The following CDR2 variants were observed in gnomAD, a reference collection of about 807,000 sequenced individuals.
CDR2 encodes the protein cerebellar degeneration related protein 2, also known as cerebellar degeneration-related protein 2.
CDR2 carries 34 observed loss-of-function variants against 48.4 expected under a neutral mutation model. That is an observed-to-expected ratio of 0.70 (90% confidence interval 0.53 to 0.94). The LOEUF is 0.94. Ranked by LOEUF, CDR2 falls within the 40% of genes least tolerant of loss-of-function variation. The probability of loss-of-function intolerance (pLI) is 0.00; values close to 1 mark genes in which losing one functional copy is unlikely to be tolerated. For synonymous variants in CDR2, 240 were observed against 219.7 expected, an observed-to-expected ratio of 1.09 and a Z score of -0.82; for missense variants, 498 against 549.5, an observed-to-expected ratio of 0.91 and a Z score of 0.94.
At chr16:22,369,272 C>T (rs1258239457) in intron 1 of CDR2, among the ~76,000 whole-genome samples, 1 of 146,666 alleles carries the variant, frequency 6.8e-6, no homozygotes, top group Non-Finnish European at 1.5e-5. Context: ...ATAGCAAGAC[C>T]TTGTCTCTTA....
intron 2 of CDR2, among the ~76,000 whole-genome samples, chr16:22,356,800 G>T (rs74403525): frequency 1.3e-5 from 2 of 151,422 alleles, no homozygotes; most frequent in Non-Finnish European, 2.9e-5. Flanking sequence ...TCCAGGCAAG[G>T]TAGTGTATGC....
At chr16:22,369,296 AAAAAAGAAAAAAAAC>A (rs914341384) in intron 1 of CDR2, among the ~76,000 whole-genome samples, 2 of 146,020 alleles carry the variant, frequency 1.4e-5, no homozygotes, top group African/African-American at 5.5e-5. Context: ...GGAAAAAAAA[AAAAAAGAAAAAAAAC>A]AAAACCCAAC....
chr16:22,363,714 A>G (rs2049026298), intron 2 of CDR2, among the ~76,000 whole-genome samples: 1 of 152,234 alleles, frequency 6.6e-6, no homozygotes, highest in Non-Finnish European at 1.5e-5. Context: ...TTATAATTTA[A>G]GTACAGACCC....
At chr16:22,366,152 C>T (rs1567349309) in intron 1 of CDR2, among the ~76,000 whole-genome samples, 2 of 152,188 alleles carry the variant, frequency 1.3e-5, no homozygotes, top group Non-Finnish European at 2.9e-5. Flanking sequence ...AAAATGAAGT[C>T]CTGCTTTGCT....
chr16:22,366,734 T>G (rs2049047094), intron 1 of CDR2, among the ~76,000 whole-genome samples: 1 of 152,030 alleles, frequency 6.6e-6, no homozygotes, highest in South Asian at 2.1e-4. Flanking sequence ...TGGCCTTTAC[T>G]CCAAATGAAG....
At chr16:22,366,521 A>G (rs1203843999) in intron 1 of CDR2, among the ~76,000 whole-genome samples, 1 of 152,164 alleles carries the variant, frequency 6.6e-6, no homozygotes, top group African/African-American at 2.4e-5. Context: ...TAAGTGACCC[A>G]TGTGTATCCA....
intron 2 of CDR2, among the ~76,000 whole-genome samples, chr16:22,360,739 CTTTTTTTTTTTTTTTTT>C (rs201976962): frequency 5.4e-5 from 4 of 74,128 alleles, no homozygotes; most frequent in Admixed American, 1.5e-4. Flanking sequence ...AAAAAATGAT[CTTTTTTTTTTTTTTTTT>C]TTTTTTTTTT....
chr16:22,364,571 G>A (rs966867225), intron 2 of CDR2, among the ~76,000 whole-genome samples: 12 of 151,988 alleles, frequency 7.9e-5, no homozygotes, highest in Non-Finnish European at 4.4e-5. Flanking sequence ...CTTAAATATT[G>A]CATGTTTTAG....
rs2048997201 is a variant in CDR2, at chr16:22,359,419, C to A, written c.192+5483G>T. On this transcript the variant is annotated intron_variant, in intron 2 of 4. Coordinates refer to ENST00000268383, the MANE Select transcript of CDR2 (RefSeq NM_001802.2). Reference sequence around the variant, plus strand: ...GGATTACAGGAGTGAGCCACCGCCACCGGCTCACTACTAAAATTCTTAAAA... The same window carrying A: ...GGATTACAGGAGTGAGCCACCGCCAACGGCTCACTACTAAAATTCTTAAAA... Among the ~76,000 whole-genome samples, 6 of 152,292 alleles carry A rather than the reference C, an allele frequency of 3.9e-5. No homozygotes were observed. In the South Asian group the frequency reaches 1.2e-3, roughly 32 times the overall value.
intron 1 of CDR2, among the ~76,000 whole-genome samples, chr16:22,373,965 G>C (rs1190439740): frequency 6.6e-6 from 1 of 152,230 alleles, no homozygotes; most frequent in East Asian, 1.9e-4. Context: ...TCCACGGAAA[G>C]CGCTTAAAAC....
chr16:22,366,006 T>C (rs192811977), intron 1 of CDR2, among the ~76,000 whole-genome samples: 10 of 152,270 alleles, frequency 6.6e-5, no homozygotes, highest in Admixed American at 5.2e-4. Context: ...GAAAATCAAA[T>C]GAAATAATAC....
At chr16:22,371,175 C>T (rs2141855566) in intron 1 of CDR2, among the ~76,000 whole-genome samples, 1 of 151,494 alleles carries the variant, frequency 6.6e-6, no homozygotes, top group South Asian at 2.1e-4. Context: ...CGTGCCACTG[C>T]ACTCCAGCCT....
intron 1 of CDR2, among the ~76,000 whole-genome samples, chr16:22,372,343 A>C (rs2049084133): frequency 6.6e-6 from 1 of 152,140 alleles, no homozygotes; most frequent in South Asian, 2.1e-4. Flanking sequence ...GCGTGGACTA[A>C]GGCACCTGAT....
intron 2 of CDR2, among the ~76,000 whole-genome samples, chr16:22,352,724 G>C (rs914655534): frequency 6.6e-6 from 1 of 152,098 alleles, no homozygotes; most frequent in Non-Finnish European, 1.5e-5. Flanking sequence ...TTTTGAGTTC[G>C]GAATTAGTAA....
chr16:22,361,849 A>G (rs896347668), intron 2 of CDR2, among the ~76,000 whole-genome samples: 14 of 152,082 alleles, frequency 9.2e-5, no homozygotes, highest in African/African-American at 3.4e-4. Flanking sequence ...TGTTTCCCGA[A>G]ATATTCCAAG....
rs904981500 is a variant in CDR2 at position 22,347,075 on chromosome 16, G to C, written c.1255C>G (p.Pro419Ala). Residue 419 changes from proline (P) to alanine (A), a missense_variant, in exon 5 of 5, where the codon CCT (proline) becomes GCT (alanine). Pro to Ala is a conservative substitution (Grantham distance 27). Transcript: ENST00000268383. ...TTAAACAACGCTTTGTATTCTGGAG[G>C]TGTTGTAGGGGAACTCACGGGCTCT... ...NPEPVSSPTT[P>A]PEYKALFKEI... The C allele has an allele frequency of 6.2e-7, 1 of 1,614,198 alleles. No individual in the cohort carries two copies. Among genetic ancestry groups the C allele is most frequent in the African/African-American group, 1.3e-5 (1 of 75,056 alleles).
At chr16:22,356,438 C>T (rs1351967927) in intron 2 of CDR2, among the ~76,000 whole-genome samples, 2 of 151,024 alleles carry the variant, frequency 1.3e-5, no homozygotes, top group Non-Finnish European at 3.0e-5. Context: ...GCCAACATGG[C>T]AAAACCCCGT....
At chr16:22,348,340 C>A (rs574503941) in intron 4 of CDR2, among the ~76,000 whole-genome samples, 1 of 152,192 alleles carries the variant, frequency 6.6e-6, no homozygotes, top group Non-Finnish European at 1.5e-5. Flanking sequence ...TGTGACAAAT[C>A]TTTTTTTAAT....
In CDR2 at chr16:22,348,556, G is replaced by A. The variant is rs556702941; in HGVS notation, c.506+723C>T. 5.9e-5 allele frequency among the ~76,000 whole-genome samples: 9 copies of A among 152,304 alleles called. No homozygotes were observed. The East Asian group carries it at 1.2e-3, about 20-fold the overall frequency. On this transcript the variant is annotated intron_variant, in intron 4 of 4. Coordinates refer to ENST00000268383, the MANE Select transcript of CDR2 (RefSeq NM_001802.2). ...ACTACAGCAAATTACTGTTGCTGTG[G>A]TGATTTTTAACCAGGAATGTTCATC...
Sources: gnomAD v4.1 joint callset for allele counts (sites outside exome capture counted in the v4.1 genomes callset) on GRCh38, gnomAD v4.1.1 for gene constraint, MANE v1.5 for transcripts, NCBI Gene and HGNC (gene_info 2026-07-23, HGNC 2026-07-21) for gene names.